The following KLF15 variants were observed in gnomAD, a reference collection of about 807,000 sequenced individuals.
KLF15 encodes Krueppel-like factor 15.
KLF15 carries 4 observed loss-of-function variants against 24.6 expected under a neutral mutation model. The observed-to-expected ratio is 0.16, with a 90% CI of 0.08 to 0.37. The LOEUF is 0.37. Among genes scored for constraint, KLF15 ranks in the 10% least tolerant of loss-of-function variants. The probability of loss-of-function intolerance (pLI) is 1.00; values close to 1 mark genes in which losing one functional copy is unlikely to be tolerated. For synonymous variants in KLF15, 246 were observed against 236.3 expected (o/e 1.04, Z -0.37); for missense variants, 496 against 560.6 (o/e 0.88, Z 1.16).
the KLF15 span, among the ~76,000 whole-genome samples, chr3:126,314,513 C>T: frequency 4.6e-5 from 7 of 152,266 alleles, no homozygotes; most frequent in South Asian, 1.2e-3. Context: ...ACACAGGGAC[C>T]CACACGTGTT....
At chr3:126,298,290 T>C in the KLF15 span, among the ~76,000 whole-genome samples, 1 of 150,480 alleles carries the variant, frequency 6.6e-6, no homozygotes, top group African/African-American at 2.5e-5. Flanking sequence ...CACTTCTTGA[T>C]GGGATTATTA....
downstream of KLF15, among the ~76,000 whole-genome samples, chr3:126,338,953 C>T (rs1311533326): frequency 1.3e-5 from 2 of 152,190 alleles, no homozygotes; most frequent in African/African-American, 4.8e-5. Flanking sequence ...GGGAACGTCC[C>T]GGCTGGGTTC....
rs963005118 is a variant in KLF15, at chr3:126,351,999, C to A, written c.924G>T (p.Lys308Asn). ...PGPAGLLMGQ[K>N]FPKNPAAELI... ...GTTCTGCGGCTGGGTTCTTGGGGAA[C>A]TTCTGGCCCATGAGGAGACCGGCAG... The change falls in exon 2 of 3, where the codon AAG becomes AAT. Residue 308 changes from lysine (K) to asparagine (N), a missense_variant. Lys to Asn is a moderately conservative substitution (Grantham distance 94). Coordinates refer to ENST00000296233, the MANE Select transcript of KLF15 (RefSeq NM_014079.4). 3 of 1,574,320 alleles carry A rather than the reference C, an allele frequency of 1.9e-6. No individual in the cohort carries two copies. Among genetic ancestry groups the A allele is most frequent in the Middle Eastern group, 1.7e-4 (1 of 5,956 alleles).
chr3:126,347,012 G>A (rs1185054120), intron 2 of KLF15, among the ~76,000 whole-genome samples: 1 of 152,218 alleles, frequency 6.6e-6, no homozygotes, highest in Admixed American at 6.5e-5. Flanking sequence ...ATTCAAGAAT[G>A]ATGAGCTCTT....
At chr3:126,300,906 C>T in the KLF15 span, among the ~76,000 whole-genome samples, 1 of 152,152 alleles carries the variant, frequency 6.6e-6, no homozygotes, top group African/African-American at 2.4e-5. Context: ...CAGGCCAGGG[C>T]AAGACTTGAG....
chr3:126,334,233 C>T, the KLF15 span, among the ~76,000 whole-genome samples: 4 of 152,066 alleles, frequency 2.6e-5, no homozygotes, highest in East Asian at 7.8e-4. Flanking sequence ...TCTCAGACCA[C>T]AGTGCGATCA....
At position 126,352,414 on chromosome 3, in the gene KLF15, C is replaced by T. The variant is rs765598537; in HGVS notation, c.509G>A (p.Cys170Tyr). 27 of 1,613,460 alleles carry T rather than the reference C, an allele frequency of 1.7e-5. No homozygotes were observed. The highest frequency in any genetic ancestry group is 2.3e-5 in the Non-Finnish European group (27 of 1,179,886). Reference protein sequence around the residue: ...PEGNSKDLDACSQLSAGPHKS... With the variant: ...PEGNSKDLDAYSQLSAGPHKS... ...GTGTGGCCCAGCTGAGAGCTGGCTG[C>T]AGGCATCCAAGTCCTTGCTGTTGCC... Residue 170 changes from cysteine to tyrosine, a missense_variant, in exon 2 of 3, where the codon TGC becomes TAC. Physicochemically the swap from Cys to Tyr is radical, Grantham distance 194. Transcript: ENST00000296233.
At chr3:126,298,032 T>C in the KLF15 span, among the ~76,000 whole-genome samples, 2 of 152,228 alleles carry the variant, frequency 1.3e-5, no homozygotes, top group Non-Finnish European at 2.9e-5. Context: ...CATACTGTTT[T>C]CCGTAGTGGT....
chr3:126,331,131 C>T, the KLF15 span, among the ~76,000 whole-genome samples: 3 of 152,178 alleles, frequency 2.0e-5, no homozygotes, highest in African/African-American at 7.2e-5. Context: ...ACACTCAACT[C>T]CCTGGTCACA....
At chr3:126,331,856 C>T in the KLF15 span, among the ~76,000 whole-genome samples, 260 of 152,284 alleles carry the variant, frequency 1.7e-3, no homozygotes, top group African/African-American at 5.5e-3. Context: ...AAAGGGGTGA[C>T]GGATGCACCT....
At chr3:126,303,138 C>T in the KLF15 span, among the ~76,000 whole-genome samples, 1 of 152,024 alleles carries the variant, frequency 6.6e-6, no homozygotes, top group Non-Finnish European at 1.5e-5. Context: ...TTACATTAGC[C>T]AAAATACCTT....
the KLF15 span, among the ~76,000 whole-genome samples, chr3:126,311,610 C>A: frequency 6.6e-6 from 1 of 152,206 alleles, no homozygotes; most frequent in Non-Finnish European, 1.5e-5. Flanking sequence ...TCACAAGCTA[C>A]CCCTCAGATG....
the KLF15 span, among the ~76,000 whole-genome samples, chr3:126,307,655 T>C: frequency 1.3e-5 from 2 of 152,172 alleles, no homozygotes; most frequent in African/African-American, 2.4e-5. Context: ...GGAACCAGCA[T>C]TAAAGACCGG....
downstream of KLF15, among the ~76,000 whole-genome samples, chr3:126,342,019 G>A (rs1421969579): frequency 6.6e-6 from 1 of 152,146 alleles, no homozygotes; most frequent in Non-Finnish European, 1.5e-5. Flanking sequence ...GCCAGCACAG[G>A]ACGTGTGGAT....
At chr3:126,317,254 G>C in the KLF15 span, among the ~76,000 whole-genome samples, 1 of 152,154 alleles carries the variant, frequency 6.6e-6, no homozygotes, top group Non-Finnish European at 1.5e-5. Context: ...AGAAGCAATA[G>C]GTAGCTAGTC....
chr3:126,351,212 G>C (rs1318462858), intron 2 of KLF15, among the ~76,000 whole-genome samples: 2 of 152,128 alleles, frequency 1.3e-5, no homozygotes, highest in African/African-American at 4.8e-5. Context: ...CCTCCCTCTG[G>C]GTTGGCCTTT....
At position 126,343,723 on chromosome 3, in the gene KLF15, G is replaced by C; in HGVS notation, c.*4C>G. 1 of 1,609,280 alleles carries C rather than the reference G, an allele frequency of 6.2e-7. No homozygotes were observed. The highest frequency in any genetic ancestry group is 1.7e-5 in the Admixed American group (1 of 58,796). On this transcript the variant is annotated 3_prime_UTR_variant, in exon 3 of 3. Transcript: ENST00000296233. Reference sequence around the variant, plus strand: ...TGACGGACAGGCTGGGGTTCAGGGCGCTTTCAGTTCACGGAGCGCACGGAG... The same window carrying C: ...TGACGGACAGGCTGGGGTTCAGGGCCCTTTCAGTTCACGGAGCGCACGGAG...
the KLF15 span, among the ~76,000 whole-genome samples, chr3:126,312,801 C>T: frequency 1.3e-5 from 2 of 152,092 alleles, no homozygotes; most frequent in African/African-American, 4.8e-5. Flanking sequence ...TGTAGACTGG[C>T]GGGTTCCCTT....
the KLF15 span, among the ~76,000 whole-genome samples, chr3:126,294,864 TACAC>T: frequency 0.054 from 7,653 of 141,850 alleles, 477 homozygotes; most frequent in African/African-American, 0.16. Flanking sequence ...TGCCCCTCCA[TACAC>T]ACACACACAC....
Sources: gnomAD v4.1 joint callset for allele counts (sites outside exome capture counted in the v4.1 genomes callset) on GRCh38, gnomAD v4.1.1 for gene constraint, MANE v1.5 for transcripts, NCBI Gene and HGNC (gene_info 2026-07-23, HGNC 2026-07-21) for gene names.